The following WDR7 variants were observed in gnomAD, a reference collection of about 807,000 sequenced individuals.
The protein encoded by WDR7 is WD repeat-containing protein 7.
A neutral mutation model predicts 169.4 loss-of-function variants in WDR7; 46 were observed. The ratio of observed to expected loss-of-function variants is 0.27; its 90% CI spans 0.21 to 0.35. The LOEUF (loss-of-function observed/expected upper bound fraction) is 0.35. WDR7 is among the 10% of genes least tolerant of loss of function. WDR7 has a pLI of 1.00. For synonymous variants in WDR7, 612 were observed against 666.8 expected (o/e 0.92, Z 1.27); for missense variants, 1,534 against 1,859.3 (o/e 0.83, Z 3.22).
In WDR7 at chr18:56,694,660, C is replaced by T. The variant is rs1298944238; in HGVS notation, c.1008C>T (p.Cys336=). 4 of 1,612,560 alleles carry T rather than the reference C, an allele frequency of 2.5e-6. No individual in the cohort carries two copies. The highest frequency in any genetic ancestry group is 3.4e-6 in the Non-Finnish European group (4 of 1,179,128). Residue 336 remains cysteine, a synonymous_variant, in exon 10 of 28, where the codon TGC becomes TGT. Transcript: ENST00000254442. ...CTGTTACTCGGTTCTTCTATGGATG[C>T]AGAGAATATTTCCATAAACTGTTAA... ...CPPVTRFFYG[C]REYFHKLLIQ...
chr18:56,651,752 C>T (rs1865388718), intron 1 of WDR7, 176 bp downstream of exon 1: 1 of 152,384 alleles, frequency 6.6e-6, no homozygotes, highest in African/African-American at 2.4e-5. Flanking sequence ...GGCGCCGTTA[C>T]CAAGAGCGTG....
intron 19 of WDR7, among the ~76,000 whole-genome samples, chr18:56,807,767 A>T (rs1355191513): frequency 6.6e-6 from 1 of 151,360 alleles, no homozygotes; most frequent in Non-Finnish European, 1.5e-5. Context: ...TTACATTGTT[A>T]TTTGAGCTTG....
At chr18:56,783,793 C>T (rs558009965) in intron 19 of WDR7, among the ~76,000 whole-genome samples, 1 of 152,066 alleles carries the variant, frequency 6.6e-6, no homozygotes, top group Non-Finnish European at 1.5e-5. Flanking sequence ...CAGAGAAAAA[C>T]GTTGGGAAAA....
In WDR7 at chr18:56,921,956, C is replaced by T. The variant is rs368019035; in HGVS notation, c.3527-1966C>T. On this transcript the variant is annotated intron_variant, in intron 21 of 27. Transcript: ENST00000254442. The stretch of plus-strand genomic sequence containing the variant: ...GGTAAAGTGCCACTAAGGAAAATGA[C>T]TGAAATGCTGTAAAAGATTGTACTT... Among the ~76,000 whole-genome samples, 139 of 152,156 alleles carry T rather than the reference C, an allele frequency of 9.1e-4. 2 individuals carry two copies. The highest frequency in any genetic ancestry group is 3.2e-3 in the African/African-American group (132 of 41,508).
In WDR7 at chr18:56,955,768, A is replaced by T. The variant is rs543235602; in HGVS notation, c.4065-6662A>T. Among the ~76,000 whole-genome samples the T allele has an allele frequency of 3.4e-3, 525 of 152,228 alleles. 3 individuals carry two copies. The highest frequency in any genetic ancestry group is 6.8e-3 in the Middle Eastern group (2 of 294). ...CTGTTTTAGGTACTTCTGTTGCATT[A>T]ACTCATTTCAACCACACAATACTTT... is the stretch of plus-strand genomic sequence containing the variant. On this transcript the variant is annotated intron_variant, in intron 25 of 27. Transcript: ENST00000254442.
chr18:56,937,284 T>G (rs563350895), intron 23 of WDR7, among the ~76,000 whole-genome samples: 1 of 152,244 alleles, frequency 6.6e-6, no homozygotes, highest in South Asian at 2.1e-4. Context: ...CCTAGCTGTT[T>G]GGGAGGCTGA....
intron 23 of WDR7, 44 bp downstream of exon 23, chr18:56,935,949 A>G (rs761926146): frequency 2.1e-5 from 32 of 1,537,810 alleles, no homozygotes; most frequent in Middle Eastern, 1.7e-4. Flanking sequence ...CATTTAGAGG[A>G]ATTATTTGAT....
chr18:56,708,030 CTTTT>C (rs752679794), intron 12 of WDR7, among the ~76,000 whole-genome samples: 1 of 132,814 alleles, frequency 7.5e-6, no homozygotes. Context: ...GTGTTTATTC[CTTTT>C]TTTTTTTTTT....
Position 57,027,008 on chromosome 18 carries a change from A to G in WDR7, c.4274A>G (p.Asn1425Ser). 1 of 1,613,708 alleles carries G rather than the reference A, an allele frequency of 6.2e-7. No individual in the cohort carries two copies. The highest frequency in any genetic ancestry group is 1.3e-5 in the African/African-American group (1 of 75,042). The change falls in exon 28 of 28, where the codon AAC becomes AGC. Residue 1425 changes from asparagine (N) to serine (S), a missense_variant. By Grantham distance (46) the Asn-to-Ser change is conservative. Transcript: ENST00000254442. ...TDSHISFWQM[N>S]TSLLGSIGML... ...TGTGCTCTCCTGTCCCTCCAGATGA[A>G]CACGTCACTGCTGGGAAGCATCGGC...
At chr18:56,931,603 A>AG (rs2046885207) in intron 22 of WDR7, among the ~76,000 whole-genome samples, 1 of 152,142 alleles carries the variant, frequency 6.6e-6, no homozygotes, top group African/African-American at 2.4e-5. Context: ...AAATCTGTGC[A>AG]GAGTTCATAA....
In WDR7 at chr18:56,727,952, C is replaced by T. The variant is rs190288068; in HGVS notation, c.1775-3431C>T. Among the ~76,000 whole-genome samples, 4 of 152,310 alleles carry T rather than the reference C, an allele frequency of 2.6e-5. No homozygotes were observed. In the East Asian group the frequency reaches 7.7e-4, roughly 29 times the overall value. ...TAGAATTATGCATGGTTAGTTCTAT[C>T]CCCCTTTCAATTTAAAATAATTCCT... is the stretch of plus-strand genomic sequence containing the variant. On this transcript the variant is annotated intron_variant, in intron 13 of 27. Transcript: ENST00000254442.
intron 4 of WDR7, among the ~76,000 whole-genome samples, chr18:56,682,011 A>C (rs2025359132): frequency 2.0e-5 from 3 of 152,190 alleles, no homozygotes; most frequent in Non-Finnish European, 4.4e-5. Flanking sequence ...AAAATTATGA[A>C]TTATATTAAA....
chr18:56,860,662 A>G (rs1382154727), intron 20 of WDR7, among the ~76,000 whole-genome samples: 2 of 152,136 alleles, frequency 1.3e-5, no homozygotes, highest in Non-Finnish European at 2.9e-5. Flanking sequence ...AATCCTTTTA[A>G]TTTGATTATG....
At chr18:57,019,512 A>C (rs2048256782) in intron 26 of WDR7, among the ~76,000 whole-genome samples, 2 of 152,128 alleles carry the variant, frequency 1.3e-5, no homozygotes, top group Admixed American at 6.5e-5. Context: ...GTTCTATACC[A>C]ACATAACTTT....
At position 56,714,718 on chromosome 18, in the gene WDR7, CCAAA is replaced by C. The variant is rs1226091565; in HGVS notation, c.1579-3243_1579-3240del. On this transcript the variant is annotated intron_variant, in intron 12 of 27. Transcript: ENST00000254442. Reference sequence around the variant, plus strand: ...TGTGAGCCACTGTGCCCGGCCTGGACCAAACAGTTTTTTGTAGATTGAGCTTGTT... The same window carrying C: ...TGTGAGCCACTGTGCCCGGCCTGGACCAGTTTTTTGTAGATTGAGCTTGTT... 2.6e-5 allele frequency among the ~76,000 whole-genome samples: 4 copies of C among 151,884 alleles called. No homozygotes were observed. The South Asian group carries it at 6.2e-4, about 24-fold the overall frequency.
At chr18:56,806,393 T>A (rs2145179451) in intron 19 of WDR7, among the ~76,000 whole-genome samples, 1 of 152,328 alleles carries the variant, frequency 6.6e-6, no homozygotes, top group Non-Finnish European at 1.5e-5. Flanking sequence ...GATCAGTGAT[T>A]TTCAGACTTT....
At chr18:56,749,377 T>C in intron 14 of WDR7, among the ~76,000 whole-genome samples, 1 of 104,388 alleles carries the variant, frequency 9.6e-6, no homozygotes, top group East Asian at 2.4e-4. Context: ...TATAGAAGTG[T>C]GTGTGTGTTT....
intron 19 of WDR7, among the ~76,000 whole-genome samples, chr18:56,799,284 G>A (rs1043580741): frequency 3.3e-5 from 5 of 152,156 alleles, no homozygotes; most frequent in African/African-American, 1.2e-4. Context: ...CTCTTGTACT[G>A]TATAACTTTT....
intron 26 of WDR7, among the ~76,000 whole-genome samples, chr18:56,985,869 TAAAG>T (rs758955429): frequency 6.6e-6 from 1 of 152,090 alleles, no homozygotes; most frequent in African/African-American, 2.4e-5. Flanking sequence ...ACATGTTTCT[TAAAG>T]AGAGTTTAAA....
Sources: gnomAD v4.1 joint callset for allele counts (sites outside exome capture counted in the v4.1 genomes callset) on GRCh38, gnomAD v4.1.1 for gene constraint, MANE v1.5 for transcripts, NCBI Gene and HGNC (gene_info 2026-07-23, HGNC 2026-07-21) for gene names.